Variants in XRN2 observed in about 807,000 individuals in gnomAD.
XRN2 encodes DHM1-like protein.
A neutral mutation model predicts 138.5 loss-of-function variants in XRN2; 44 were observed. That is an observed-to-expected ratio of 0.32 (90% confidence interval 0.25 to 0.41). The LOEUF (loss-of-function observed/expected upper bound fraction) is 0.41, where lower values mean the gene tolerates loss of function less well. XRN2 is among the 10% of genes least tolerant of loss of function. The pLI, the probability that XRN2 is intolerant of heterozygous loss-of-function variation, is 1.00. For synonymous variants in XRN2, 354 were observed against 369.4 expected, an observed-to-expected ratio of 0.96 and a Z score of 0.48; for missense variants, 937 against 1,169.3, an observed-to-expected ratio of 0.80 and a Z score of 2.90.
intron 13 of XRN2, among the ~76,000 whole-genome samples, 180 bp downstream of exon 13, chr20:21,334,365 T>C (rs1239658339): frequency 1.3e-5 from 2 of 152,240 alleles, no homozygotes; most frequent in African/African-American, 4.8e-5. Flanking sequence ...GCTTGCTCTG[T>C]GGAACTATGT....
intron 3 of XRN2, among the ~76,000 whole-genome samples, chr20:21,328,037 T>C (rs886403813): frequency 7.9e-5 from 12 of 152,196 alleles, no homozygotes; most frequent in Admixed American, 5.2e-4. Flanking sequence ...ATAAACCTTA[T>C]TGTGGGAAAT....
intron 1 of XRN2, among the ~76,000 whole-genome samples, chr20:21,322,081 C>T (rs2122189808): frequency 6.6e-6 from 1 of 152,312 alleles, no homozygotes; most frequent in East Asian, 1.9e-4. Flanking sequence ...CTTAACCTCT[C>T]TAAGCATTTG....
At chr20:21,377,264 C>CTTTTTCTTTTTTTTTTTTTTTTTTTTTTT (rs1555788242) in intron 27 of XRN2, among the ~76,000 whole-genome samples, 1 of 82,782 alleles carries the variant, frequency 1.2e-5, no homozygotes, top group Admixed American at 1.6e-4. Flanking sequence ...TCGGTTTTTT[C>CTTTTTCTTTTTTTTTTTTTTTTTTTTTTT]TTTTTTTTTT....
At chr20:21,328,710 A>T (rs1011686287) in intron 4 of XRN2, 40 bp downstream of exon 4, 2 of 1,583,636 alleles carry the variant, frequency 1.3e-6, no homozygotes, top group Non-Finnish European at 1.7e-6. Context: ...TTTTCATAAG[A>T]TGTATGCAGA....
chr20:21,330,401 G>A, intron 4 of XRN2, 80 bp from the exon 5 acceptor site: 1 of 1,460,466 alleles, frequency 6.8e-7, no homozygotes, highest in Non-Finnish European at 9.3e-7. Context: ...GGAACTTTTT[G>A]TTTTTGTTGT....
chr20:21,310,842 T>G (rs147090894), intron 1 of XRN2, among the ~76,000 whole-genome samples: 63 of 152,234 alleles, frequency 4.1e-4, no homozygotes, highest in East Asian at 1.9e-3. Flanking sequence ...CCACCCGGTT[T>G]CATGCCATTC....
chr20:21,345,064 A>G (rs2038418967), intron 16 of XRN2, among the ~76,000 whole-genome samples: 1 of 152,216 alleles, frequency 6.6e-6, no homozygotes, highest in Non-Finnish European at 1.5e-5. Flanking sequence ...TTTTTCTAAC[A>G]TTCTTTGATT....
At chr20:21,375,575 C>T (rs1395191164) in intron 27 of XRN2, among the ~76,000 whole-genome samples, 3 of 150,942 alleles carry the variant, frequency 2.0e-5, no homozygotes, top group Non-Finnish European at 4.4e-5. Flanking sequence ...AAGTATATTG[C>T]TTAATTTTTT....
chr20:21,303,613 GCCC>G (rs2037770015), intron 1 of XRN2, 140 bp downstream of exon 1: 19 of 1,370,896 alleles, frequency 1.4e-5, no homozygotes, highest in Non-Finnish European at 1.8e-5. Flanking sequence ...AGCAGTCGCA[GCCC>G]CACACGCGAT....
At chr20:21,324,561 C>G (rs913983475) in intron 1 of XRN2, among the ~76,000 whole-genome samples, 1 of 150,806 alleles carries the variant, frequency 6.6e-6, no homozygotes, top group African/African-American at 2.4e-5. Context: ...ATCTCACTTG[C>G]ATCTCACAAG....
At chr20:21,377,528 G>A (rs561087496) in intron 27 of XRN2, among the ~76,000 whole-genome samples, 55 of 149,542 alleles carry the variant, frequency 3.7e-4, no homozygotes, top group African/African-American at 1.3e-3. Flanking sequence ...AAAGTGTTGG[G>A]ATTACAGGCG....
Position 21,340,723 on chromosome 20 carries a change from A to G in XRN2, c.1281A>G (p.Arg427=), listed in dbSNP as rs1318922283. 1 of 1,613,570 alleles carries G rather than the reference A, an allele frequency of 6.2e-7. No individual in the cohort carries two copies. The highest frequency in any genetic ancestry group is 2.2e-5 in the East Asian group (1 of 44,844). The part of the protein sequence containing the change: ...RQKEKRKRMK[R]DQPAFTPSGI... ...TACATTCATTCCATTTATGTTAGAG[A>G]GATCAACCAGCTTTCACTCCTAGTG... The change falls in exon 15 of 30, where the codon AGA becomes AGG. Residue 427 remains arginine, a splice_region_variant and synonymous_variant. Coordinates refer to ENST00000377191, the MANE Select transcript of XRN2 (RefSeq NM_012255.5).
At chr20:21,327,293 C>A (rs1419258109) in intron 3 of XRN2, among the ~76,000 whole-genome samples, 1 of 152,108 alleles carries the variant, frequency 6.6e-6, no homozygotes, top group Non-Finnish European at 1.5e-5. Context: ...GATAATAATA[C>A]CAAGTAGCTC....
intron 1 of XRN2, among the ~76,000 whole-genome samples, chr20:21,317,326 T>C (rs1246543081): frequency 1.3e-5 from 2 of 152,158 alleles, no homozygotes; most frequent in African/African-American, 4.8e-5. Flanking sequence ...CATGAAAGTG[T>C]TGGATTTTTC....
At chr20:21,365,996 T>G (rs1486801686) in intron 26 of XRN2, among the ~76,000 whole-genome samples, 1 of 113,976 alleles carries the variant, frequency 8.8e-6, no homozygotes, top group African/African-American at 3.4e-5. Flanking sequence ...AAACCCAGTA[T>G]TTTCATAAAG....
intron 13 of XRN2, among the ~76,000 whole-genome samples, chr20:21,335,123 T>C (rs2038267338): frequency 1.3e-5 from 2 of 152,152 alleles, no homozygotes; most frequent in South Asian, 4.1e-4. Flanking sequence ...GAAGCCATGC[T>C]CAAGGGGTCA....
intron 28 of XRN2, among the ~76,000 whole-genome samples, chr20:21,385,444 A>T (rs1314569648): frequency 6.6e-6 from 1 of 152,238 alleles, no homozygotes; most frequent in Non-Finnish European, 1.5e-5. Context: ...TTGTGCTAGT[A>T]ATTGTCCTGA....
chr20:21,371,406 G>A (rs2038759355), intron 27 of XRN2, among the ~76,000 whole-genome samples: 1 of 152,198 alleles, frequency 6.6e-6, no homozygotes, highest in Admixed American at 6.5e-5. Flanking sequence ...TGCAAACTAT[G>A]GACTTGTGTT....
At position 21,324,184 on chromosome 20, in the gene XRN2, T is replaced by C. The variant is rs530113210; in HGVS notation, c.76-2095T>C. ...GACCTGCTTTTTTCTTTACCACTTA[T>C]TCCACTCACTGTTCCTGATCAAGCC... is the stretch of plus-strand genomic sequence containing the variant. On this transcript the variant is annotated intron_variant, in intron 1 of 29. Transcript: ENST00000377191. 3.3e-5 allele frequency among the ~76,000 whole-genome samples: 5 copies of C among 152,306 alleles called. No homozygotes were observed. The South Asian group carries it at 8.3e-4, about 25-fold the overall frequency.
Sources: gnomAD v4.1 joint callset for allele counts (sites outside exome capture counted in the v4.1 genomes callset) on GRCh38, gnomAD v4.1.1 for gene constraint, MANE v1.5 for transcripts, NCBI Gene and HGNC (gene_info 2026-07-23, HGNC 2026-07-21) for gene names.